Variants in KAZN observed in about 807,000 individuals in gnomAD.
The protein encoded by KAZN is kazrin, periplakin interacting protein, also known as kazrin.
In KAZN, 40 loss-of-function variants were observed where a neutral mutation model predicts 87.4. The observed-to-expected ratio is 0.46, with a 90% confidence interval of 0.36 to 0.60. The LOEUF is 0.60. Ranked by LOEUF, KAZN falls within the 20% of genes least tolerant of loss-of-function variation. The pLI is 0.00. For missense variants in KAZN, 898 were observed against 1,073.9 expected, an observed-to-expected ratio of 0.84 and a Z score of 2.29; for synonymous variants, 466 against 458.3, an observed-to-expected ratio of 1.02 and a Z score of -0.22.
chr1:14,888,115 C>G (rs1289457029), intron 1 of KAZN, among the ~76,000 whole-genome samples: 3 of 152,162 alleles, frequency 2.0e-5, no homozygotes, highest in Non-Finnish European at 4.4e-5. Flanking sequence ...ATCAAGCAAT[C>G]GGGACATTCC....
chr1:13,992,297 T>TTTA (rs757206118), intron 1 of KAZN, among the ~76,000 whole-genome samples: 45 of 139,786 alleles, frequency 3.2e-4, no homozygotes, highest in South Asian at 4.7e-4. Context: ...ATCTTTATTT[T>TTTA]TTTTTCTTGC....
At chr1:14,686,733 C>A (rs969011062) in intron 1 of KAZN, among the ~76,000 whole-genome samples, 2 of 152,242 alleles carry the variant, frequency 1.3e-5, no homozygotes, top group African/African-American at 2.4e-5. Context: ...TCAGAGACCT[C>A]TGTACCTCTG....
At chr1:14,998,389 G>C (rs1178079236) in intron 2 of KAZN, among the ~76,000 whole-genome samples, 2 of 141,958 alleles carry the variant, frequency 1.4e-5, no homozygotes, top group African/African-American at 6.0e-5. Flanking sequence ...GCAGAGAGGA[G>C]AGGCTGTGTG....
rs950677438 is a variant in KAZN at position 14,232,367 on chromosome 1, C to T, written c.249+51775C>T. On this transcript the variant is annotated intron_variant, in intron 2 of 16. Transcript: ENST00000636203. The stretch of plus-strand genomic sequence containing the variant: ...GAAAAAAGTTAGTAAATTATCCTCT[C>T]ATTCCTTAGGTTTTAGACTCTTGCC... Among the ~76,000 whole-genome samples the T allele has an allele frequency of 2.0e-5, 3 of 152,146 alleles. No homozygotes were observed. The East Asian group carries it at 5.8e-4, about 29-fold the overall frequency.
intron 2 of KAZN, among the ~76,000 whole-genome samples, chr1:14,450,545 A>C (rs1667216010): frequency 6.6e-6 from 1 of 152,100 alleles, no homozygotes. Context: ...AGTGGAGATC[A>C]TGCCATTGCA....
At chr1:14,880,739 A>G (rs1237528428) in intron 1 of KAZN, among the ~76,000 whole-genome samples, 1 of 152,120 alleles carries the variant, frequency 6.6e-6, no homozygotes, top group Non-Finnish European at 1.5e-5. Context: ...TGTGACCTGG[A>G]CTTCTTAGAG....
chr1:14,629,151 A>G (rs1288655219), intron 1 of KAZN, among the ~76,000 whole-genome samples: 1 of 152,138 alleles, frequency 6.6e-6, no homozygotes, highest in Non-Finnish European at 1.5e-5. Flanking sequence ...CCGGCCTCAC[A>G]TTAATTCTTA....
At chr1:14,532,586 A>T (rs920089849) in intron 2 of KAZN, among the ~76,000 whole-genome samples, 8 of 149,552 alleles carry the variant, frequency 5.3e-5, no homozygotes, top group Non-Finnish European at 1.0e-4. Flanking sequence ...GTCATTTAGC[A>T]TTAGGTATAT....
At chr1:14,423,634 C>G (rs1464927406) in intron 2 of KAZN, among the ~76,000 whole-genome samples, 1 of 152,188 alleles carries the variant, frequency 6.6e-6, no homozygotes, top group Non-Finnish European at 1.5e-5. Context: ...TCCAAATCCT[C>G]TTCCCAGTAC....
At chr1:14,150,963 CA>C (rs1043846193) in intron 1 of KAZN, among the ~76,000 whole-genome samples, 4 of 142,412 alleles carry the variant, frequency 2.8e-5, no homozygotes, top group African/African-American at 1.1e-4. Flanking sequence ...CTAACATTGT[CA>C]TACACACACA....
intron 1 of KAZN, among the ~76,000 whole-genome samples, chr1:14,758,480 T>A (rs555438583): frequency 9.7e-6 from 1 of 103,240 alleles, no homozygotes; most frequent in African/African-American, 4.3e-5. Flanking sequence ...GCTAATTTTT[T>A]AATTTTTTTT....
rs1436175947 is a variant in KAZN at position 14,491,740 on chromosome 1, T to G, written c.250-107243T>G. ...TTGTCAGTGTGTGGCTATTTATAAG[T>G]TCTGTGTGATTATACCATTTATCTA... On this transcript the variant is annotated intron_variant, in intron 2 of 16. Coordinates refer to the KAZN transcript ENST00000636203. Among the ~76,000 whole-genome samples the G allele has an allele frequency of 2.0e-5, 3 of 152,188 alleles. No individual in the cohort carries two copies. In the South Asian group the frequency reaches 6.2e-4, roughly 32 times the overall value.
At chr1:14,347,792 T>G (rs1658216334) in intron 2 of KAZN, among the ~76,000 whole-genome samples, 1 of 152,168 alleles carries the variant, frequency 6.6e-6, no homozygotes, top group African/African-American at 2.4e-5. Context: ...ATAGTCGAAC[T>G]ACAGATTATT....
intron 2 of KAZN, among the ~76,000 whole-genome samples, chr1:14,278,758 G>A (rs1477377064): frequency 2.0e-5 from 3 of 151,884 alleles, no homozygotes; most frequent in African/African-American, 7.3e-5. Flanking sequence ...TTAATTTATT[G>A]TATATTTGCC....
intron 1 of KAZN, among the ~76,000 whole-genome samples, chr1:13,971,057 A>C (rs114985990): frequency 0.011 from 1,671 of 152,290 alleles, 25 homozygotes; most frequent in African/African-American, 0.037. Context: ...TGTGCTCAGC[A>C]GGGAGGTTCT....
At chr1:14,346,913 T>C (rs1265229463) in intron 2 of KAZN, among the ~76,000 whole-genome samples, 2 of 152,168 alleles carry the variant, frequency 1.3e-5, no homozygotes, top group Middle Eastern at 3.4e-3. Context: ...CAGACAACAA[T>C]ATATCTAATT....
intron 2 of KAZN, among the ~76,000 whole-genome samples, chr1:14,528,991 T>G (rs1672063613): frequency 1.3e-5 from 2 of 151,842 alleles, no homozygotes; most frequent in South Asian, 4.2e-4. Context: ...TTCTAACAAT[T>G]ACTGCAGTTA....
intron 1 of KAZN, among the ~76,000 whole-genome samples, chr1:14,178,778 G>A (rs1039669188): frequency 2.0e-5 from 3 of 152,052 alleles, no homozygotes; most frequent in Admixed American, 2.0e-4. Context: ...ACATTTTGGG[G>A]TACTATATTT....
At position 14,801,289 on chromosome 1, in the gene KAZN, A is replaced by C. The variant is rs911088540; in HGVS notation, c.227-159395A>C. On this transcript the variant is annotated intron_variant, in intron 1 of 14. Coordinates refer to ENST00000376030, the MANE Select transcript of KAZN (RefSeq NM_201628.3). ...GGAAATGTGCGTCTCTCCTGAGTCC[A>C]GGGAGTCAAAACCAGGAGAAAGTCT... Among the ~76,000 whole-genome samples, 3 of 152,108 alleles carry C rather than the reference A, an allele frequency of 2.0e-5. No individual in the cohort carries two copies. In the South Asian group the frequency reaches 6.2e-4, roughly 32 times the overall value.
Sources: gnomAD v4.1 joint callset for allele counts (sites outside exome capture counted in the v4.1 genomes callset) on GRCh38, gnomAD v4.1.1 for gene constraint, MANE v1.5 for transcripts, NCBI Gene and HGNC (gene_info 2026-07-23, HGNC 2026-07-21) for gene names.